Variants in VPS13C observed in about 807,000 individuals in gnomAD.
The protein encoded by VPS13C is intermembrane lipid transfer protein VPS13C.
VPS13C carries 358 observed loss-of-function variants against 456.8 expected under a neutral mutation model. The ratio of observed to expected loss-of-function variants is 0.78; its 90% CI spans 0.72 to 0.86. The LOEUF (loss-of-function observed/expected upper bound fraction) is 0.86, where lower values mean the gene tolerates loss of function less well. Among genes scored for constraint, VPS13C ranks in the 40% least tolerant of loss-of-function variants. The pLI, the probability that VPS13C is intolerant of heterozygous loss-of-function variation, is 0.00. For synonymous variants in VPS13C, 1,578 were observed against 1,486.7 expected (o/e 1.06, Z -1.41); for missense variants, 4,818 against 4,385.4 (o/e 1.10, Z -2.79).
chr15:61,950,489 C>A (rs1328776475), intron 40 of VPS13C, 72 bp from the exon 41 acceptor site: 2 of 1,141,508 alleles, frequency 1.8e-6, no homozygotes, highest in African/African-American at 1.6e-5. Flanking sequence ...TATACATATT[C>A]TTTACTTTTC....
chr15:62,000,662 T>C lies in VPS13C; in HGVS notation c.1291-36A>G, dbSNP rs535372223. ...CAGAGGCACTTATAAACAAGAAATT[T>C]AATCATTAGATAAAAGAAATTTTTC... is the stretch of plus-strand genomic sequence containing the variant. On this transcript the variant is annotated intron_variant, in intron 15 of 84. Transcript: ENST00000644861. The C allele has an allele frequency of 1.5e-5, 23 of 1,556,674 alleles. No individual in the cohort carries two copies. In the South Asian group the frequency reaches 2.5e-4, roughly 17 times the overall value.
chr15:61,883,419 A>G (rs1474291448), intron 68 of VPS13C, among the ~76,000 whole-genome samples: 1 of 152,086 alleles, frequency 6.6e-6, no homozygotes, highest in Non-Finnish European at 1.5e-5. Flanking sequence ...ATAGTTTTTT[A>G]TCATTTAAGT....
chr15:61,962,690 C>A, intron 33 of VPS13C, 59 bp downstream of exon 33: 2 of 1,366,124 alleles, frequency 1.5e-6, no homozygotes, highest in Admixed American at 4.5e-5. Context: ...ATACATTTTA[C>A]AATAGAAGCT....
chr15:61,880,041 A>C (rs1895732334), intron 73 of VPS13C, among the ~76,000 whole-genome samples: 1 of 152,150 alleles, frequency 6.6e-6, no homozygotes, highest in Non-Finnish European at 1.5e-5. Context: ...GGTTGATAGC[A>C]TTTGTGAATT....
intron 62 of VPS13C, among the ~76,000 whole-genome samples, chr15:61,912,317 C>A (rs2043325364): frequency 6.6e-6 from 1 of 152,108 alleles, no homozygotes; most frequent in Non-Finnish European, 1.5e-5. Flanking sequence ...AATTAGTGTA[C>A]AGGCTTTGTT....
chr15:61,893,944 T>C (rs1291135600), intron 66 of VPS13C, among the ~76,000 whole-genome samples: 1 of 151,824 alleles, frequency 6.6e-6, no homozygotes, highest in Non-Finnish European at 1.5e-5. Context: ...AAACATACTG[T>C]CAGAGAAAAA....
intron 9 of VPS13C, 108 bp downstream of exon 9, chr15:62,020,371 A>T (rs548490972): frequency 2.5e-5 from 22 of 868,734 alleles, no homozygotes; most frequent in African/African-American, 1.6e-4. Context: ...TAATATATTT[A>T]AAAAATCATA....
At chr15:61,866,742 G>A (rs530432102) in intron 81 of VPS13C, 4 of 985,062 alleles carry the variant, frequency 4.1e-6, no homozygotes, top group South Asian at 4.7e-5. Context: ...TCTAGCACAC[G>A]CTGGTTTTTG....
chr15:61,890,187 C>T lies in VPS13C; in HGVS notation c.9319G>A (p.Val3107Ile). ...SLVNNESKQEVSYIGITSSGV... is the reference protein window; with the variant it reads ...SLVNNESKQEISYIGITSSGV... ...TACCTGGTTATCCCAATATAGGAAA[C>T]TTCCTGCTTGCTTTCATTGTTAACC... The change falls in exon 67 of 85, where the codon GTT becomes ATT. Residue 3107 changes from valine to isoleucine, a missense_variant. By Grantham distance (29) the Val-to-Ile change is conservative. This residue lies in a region of VPS13C where 4,552 missense variants were observed against 4,130.6 expected (regional missense o/e 1.10). Coordinates refer to ENST00000644861, the MANE Select transcript of VPS13C (RefSeq NM_020821.3). The T allele has an allele frequency of 6.2e-7, 1 of 1,614,054 alleles. No homozygotes were observed. The highest frequency in any genetic ancestry group is 8.5e-7 in the Non-Finnish European group (1 of 1,179,986).
At position 61,852,907 on chromosome 15, in the gene VPS13C, T is replaced by A. The variant is rs967102575; in HGVS notation, c.*1550A>T. ...ATGACCAGGCCTTAAAAAACATGAA[T>A]GATGATGACAGAACCACTATCACAC... On this transcript the variant is annotated 3_prime_UTR_variant, in exon 85 of 85. Transcript: ENST00000644861. 2 of 152,136 alleles carry A rather than the reference T, an allele frequency of 1.3e-5. No individual in the cohort carries two copies. The highest frequency in any genetic ancestry group is 4.8e-5 in the African/African-American group (2 of 41,444). 9.4% of individuals were successfully genotyped at this position (152,136 alleles called of 1,614,324 possible).
At chr15:61,984,210 A>C (rs1005032334) in intron 19 of VPS13C, among the ~76,000 whole-genome samples, 198 bp from the exon 20 acceptor site, 6 of 152,210 alleles carry the variant, frequency 3.9e-5, no homozygotes, top group Non-Finnish European at 5.9e-5. Context: ...TGTTGTTTTA[A>C]TTAACTCCTT....
intron 81 of VPS13C, chr15:61,864,781 G>A (rs553383768): frequency 1.0e-6 from 1 of 985,244 alleles, no homozygotes; most frequent in South Asian, 4.7e-5. Flanking sequence ...ATTCACTTGT[G>A]CGAATTAGTT....
intron 18 of VPS13C, among the ~76,000 whole-genome samples, chr15:61,987,717 T>G (rs1033021107): frequency 1.3e-5 from 2 of 152,140 alleles, no homozygotes; most frequent in African/African-American, 2.4e-5. Flanking sequence ...TCCGCTAAAA[T>G]GGCTAAAATT....
Position 62,033,491 on chromosome 15 carries a change from T to C in VPS13C, c.335A>G (p.Gln112Arg), listed in dbSNP as rs745949749. The change falls in exon 5 of 85, where the codon CAG becomes CGG. Residue 112 changes from glutamine to arginine, a missense_variant. Transcript: ENST00000644861. ...TTCTTCAATTCGGGATAGCTCTTTC[T>C]GTTTAACATCCTGCAAGGATTTTTC... ...KEEKSLQDVKQKELSRIEEAL... is the reference protein window; with the variant it reads ...KEEKSLQDVKRKELSRIEEAL... 1 of 1,608,362 alleles carries C rather than the reference T, an allele frequency of 6.2e-7. No homozygotes were observed. Among genetic ancestry groups the C allele is most frequent in the Non-Finnish European group, 8.5e-7 (1 of 1,176,946 alleles).
At chr15:61,954,058 T>A (rs1299231439) in intron 38 of VPS13C, among the ~76,000 whole-genome samples, 1 of 152,114 alleles carries the variant, frequency 6.6e-6, no homozygotes, top group Non-Finnish European at 1.5e-5. Context: ...TAATGTAACT[T>A]TTTTTTAAAA....
intron 5 of VPS13C, among the ~76,000 whole-genome samples, chr15:62,030,386 G>A (rs1276622197): frequency 6.6e-6 from 1 of 151,950 alleles, no homozygotes; most frequent in East Asian, 1.9e-4. Context: ...CATTGGGGTG[G>A]GTCCCTCATA....
intron 3 of VPS13C, among the ~76,000 whole-genome samples, chr15:62,039,845 T>C (rs2048183095): frequency 6.6e-6 from 1 of 152,118 alleles, no homozygotes; most frequent in Non-Finnish European, 1.5e-5. Context: ...GATCCCCCAA[T>C]CCCACTGCTA....
intron 9 of VPS13C, among the ~76,000 whole-genome samples, chr15:62,015,828 A>G (rs2047221796): frequency 7.1e-6 from 1 of 140,736 alleles, no homozygotes; most frequent in African/African-American, 2.7e-5. Context: ...GATATACCTA[A>G]TGCTAGATGA....
intron 1 of VPS13C, among the ~76,000 whole-genome samples, chr15:62,054,965 G>A (rs1253605142): frequency 6.6e-6 from 1 of 152,172 alleles, no homozygotes; most frequent in Non-Finnish European, 1.5e-5. Flanking sequence ...ACGAGAGTGA[G>A]AACTGAAATG....
Sources: gnomAD v4.1 joint callset for allele counts (sites outside exome capture counted in the v4.1 genomes callset) on GRCh38, gnomAD v4.1.1 for gene constraint, gnomAD v4.1.1 regional missense constraint, MANE v1.5 for transcripts, NCBI Gene and HGNC (gene_info 2026-07-23, HGNC 2026-07-21) for gene names.